The following PRAMEF20 variants were observed in gnomAD, a reference collection of about 807,000 sequenced individuals.
PRAMEF20 encodes PRAME family member 20.
In PRAMEF20, 27 loss-of-function variants were observed where a neutral mutation model predicts 32.4. The observed-to-expected ratio is 0.83, with a 90% CI of 0.61 to 1.15. The LOEUF is 1.15. Ranked by LOEUF, PRAMEF20 falls within the 50% of genes most tolerant of loss-of-function variation. PRAMEF20 has a pLI of 0.00. For synonymous variants in PRAMEF20, 256 were observed against 235.4 expected, an observed-to-expected ratio of 1.09 and a Z score of -0.80; for missense variants, 604 against 584.5, an observed-to-expected ratio of 1.03 and a Z score of -0.34.
chr1:13,411,418 C>A (rs1188216646), upstream of PRAMEF20, among the ~76,000 whole-genome samples: 3 of 151,696 alleles, frequency 2.0e-5, no homozygotes, highest in East Asian at 1.9e-4. Flanking sequence ...TCCCAACCCA[C>A]CCCCCTTCAA....
intron 2 of PRAMEF20, 126 bp from the exon 4 acceptor site, chr1:13,420,571 C>G: frequency 7.7e-7 from 1 of 1,304,172 alleles, no homozygotes; most frequent in Non-Finnish European, 1.1e-6. Context: ...TGTTGACTAT[C>G]AGACAATCAG....
chr1:13,418,820 T>C, intron 2 of PRAMEF20, 120 bp downstream of exon 3: 1 of 1,544,148 alleles, frequency 6.5e-7, no homozygotes, highest in Non-Finnish European at 8.7e-7. Context: ...AGAATGTCAG[T>C]GCATTTTCCT....
At chr1:13,420,413 T>G (rs914368112) in intron 2 of PRAMEF20, among the ~76,000 whole-genome samples, 2 of 152,176 alleles carry the variant, frequency 1.3e-5, no homozygotes, top group African/African-American at 4.8e-5. Flanking sequence ...TTTGCCATGT[T>G]GGCCAGGCTG....
At chr1:13,416,203 A>T, upstream of PRAMEF20, 1 of 1,440,870 alleles carries the variant, frequency 6.9e-7, no homozygotes, top group Non-Finnish European at 9.7e-7. Flanking sequence ...GCCACTGAGT[A>T]CAGAGTAGAA....
chr1:13,417,890 C>T (rs1038164634), intron 1 of PRAMEF20, among the ~76,000 whole-genome samples: 78 of 132,304 alleles, frequency 5.9e-4, no homozygotes, highest in Admixed American at 2.8e-3. Context: ...TACAGGCGCC[C>T]GCCACCACGC....
intron 2 of PRAMEF20, 74 bp from the exon 4 acceptor site, chr1:13,420,621 CTT>C: frequency 6.2e-7 from 1 of 1,601,234 alleles, no homozygotes; most frequent in Non-Finnish European, 8.6e-7. Context: ...CCATCCATCA[CTT>C]TGAAGTCATT....
chr1:13,412,058 A>AT (rs1175113475), upstream of PRAMEF20, among the ~76,000 whole-genome samples: 14,843 of 141,272 alleles, frequency 0.11, 826 homozygotes, highest in Non-Finnish European at 0.13. Context: ...ATTTAATTTA[A>AT]TTAATTTATT....
At chr1:13,421,057 G>T in exon 3 of PRAMEF20, 1 of 1,613,928 alleles carries the variant, frequency 6.2e-7, no homozygotes, top group Non-Finnish European at 8.5e-7. Context: ...ACTTATGCCT[G>T]GAGCTGTATC....
chr1:13,416,393 G>A (rs762344982), exon 1 of PRAMEF20: 48 of 1,612,418 alleles, frequency 3.0e-5, no homozygotes, highest in South Asian at 7.7e-5. Context: ...TGGAGCTGGC[G>A]GGGCGGAGCC....
intron 1 of PRAMEF20, among the ~76,000 whole-genome samples, 169 bp from the exon 3 acceptor site, chr1:13,417,953 T>TGTGTGTGTGTGTGTGTGTGTGTG (rs1253350852): frequency 2.8e-4 from 40 of 143,966 alleles, no homozygotes; most frequent in East Asian, 4.3e-4. Flanking sequence ...TGTGTGTGTG[T>TGTGTGTGTGTGTGTGTGTGTGTG]TTAGTAGAGA....
upstream of PRAMEF20, among the ~76,000 whole-genome samples, chr1:13,415,333 C>T (rs1003649117): frequency 2.6e-5 from 4 of 152,194 alleles, no homozygotes; most frequent in African/African-American, 9.6e-5. Flanking sequence ...CTGCCTGCCT[C>T]GGCCTCTCAA....
At chr1:13,419,574 A>C (rs1641219921) in intron 2 of PRAMEF20, among the ~76,000 whole-genome samples, 1 of 151,766 alleles carries the variant, frequency 6.6e-6, no homozygotes, top group Non-Finnish European at 1.5e-5. Flanking sequence ...GGTGCCCGAC[A>C]CCACGCCCGG....
chr1:13,420,772 C>G, exon 3 of PRAMEF20: 1 of 1,613,874 alleles, frequency 6.2e-7, no homozygotes, highest in Non-Finnish European at 8.5e-7. Flanking sequence ...AGCATCTGTC[C>G]AAGTACCCGA....
At chr1:13,416,606 G>A (rs1641176745) in exon 1 of PRAMEF20, 2 of 1,614,028 alleles carry the variant, frequency 1.2e-6, no homozygotes, top group East Asian at 2.2e-5. Context: ...TGCTCGATGG[G>A]CTTGATGCAC....
chr1:13,419,477 T>C (rs1381451656), intron 2 of PRAMEF20, among the ~76,000 whole-genome samples: 1 of 151,892 alleles, frequency 6.6e-6, no homozygotes, highest in Non-Finnish European at 1.5e-5. Context: ...TTTTGTTTTT[T>C]TGAGATGGAG....
rs946858624 is a variant in PRAMEF20 at position 13,416,367 on chromosome 1, A to G, written c.13A>G (p.Thr5Ala). ...CAGATTCAGGAAGATGAGCATCCGG[A>G]CTCCACCCAGACTCCTGGAGCTGGC... Residue 5 changes from threonine (T) to alanine (A), a missense_variant, in exon 1 of 3, where the codon ACT becomes GCT. Thr to Ala is a moderately conservative substitution (Grantham distance 58, BLOSUM62 0). Coordinates refer to ENST00000602960, the Ensembl canonical transcript of PRAMEF20. 48 of 1,612,548 alleles carry G rather than the reference A, an allele frequency of 3.0e-5. 1 individual carries two copies. In the South Asian group the frequency reaches 5.3e-4, roughly 18 times the overall value.
At chr1:13,416,318 T>C, upstream of PRAMEF20, 2 of 1,612,084 alleles carry the variant, frequency 1.2e-6, no homozygotes, top group Non-Finnish European at 1.7e-6. Flanking sequence ...TTTCTCTGGA[T>C]TTGTCCTCTG....
At chr1:13,417,365 A>T (rs1248886106) in intron 1 of PRAMEF20, among the ~76,000 whole-genome samples, 2 of 152,056 alleles carry the variant, frequency 1.3e-5, no homozygotes, top group Admixed American at 1.3e-4. Flanking sequence ...AAGACAGGGA[A>T]GTTCCCCAAG....
exon 3 of PRAMEF20, chr1:13,421,309 A>T (rs1569869978): frequency 1.9e-6 from 3 of 1,612,270 alleles, no homozygotes; most frequent in Non-Finnish European, 2.5e-6. Context: ...TGAACACTTG[A>T]AAACTAAAAC....
Sources: gnomAD v4.1 joint callset for allele counts (sites outside exome capture counted in the v4.1 genomes callset) on GRCh38, gnomAD v4.1.1 for gene constraint, MANE v1.5 for transcripts, NCBI Gene and HGNC (gene_info 2026-07-23, HGNC 2026-07-21) for gene names.